The following VSIG1 variants were observed in gnomAD, a reference collection of about 807,000 sequenced individuals.
The protein encoded by VSIG1 is V-set and immunoglobulin domain-containing protein 1.
VSIG1 carries 11 observed loss-of-function variants against 20.1 expected under a neutral mutation model. The observed-to-expected ratio is 0.55, with a 90% CI of 0.34 to 0.91. The LOEUF (loss-of-function observed/expected upper bound fraction) is 0.91. VSIG1 is among the 40% of genes least tolerant of loss of function. The probability of loss-of-function intolerance (pLI) is 0.02; values close to 1 mark genes in which losing one functional copy is unlikely to be tolerated. For synonymous variants in VSIG1, 126 were observed against 116.7 expected, an observed-to-expected ratio of 1.08 and a Z score of -0.52; for missense variants, 283 against 298.8, an observed-to-expected ratio of 0.95 and a Z score of 0.39.
At chrX:108,041,543 T>TA (rs953093543), upstream of VSIG1, among the ~76,000 whole-genome samples, 13 of 92,528 alleles carry the variant, frequency 1.4e-4, no homozygotes, top group Non-Finnish European at 2.4e-4. Flanking sequence ...CTTTATGTTT[T>TA]AAAAAACCTC....
chrX:108,072,628 GA>G, intron 3 of VSIG1, 48 bp from the exon 4 acceptor site: 1 of 1,108,736 alleles, frequency 9.0e-7, no homozygotes, highest in Non-Finnish European at 1.2e-6. Context: ...AATTGTCACA[GA>G]ATGCCATTCA....
intron 1 of VSIG1, among the ~76,000 whole-genome samples, chrX:108,051,731 T>C (rs2030788922): frequency 9.2e-6 from 1 of 108,910 alleles, no homozygotes; most frequent in South Asian, 3.9e-4. Context: ...GCCTCAACAA[T>C]CAATTAACAT....
intron 1 of VSIG1, 63 bp downstream of exon 1, chrX:108,045,242 A>G (rs1602561799): frequency 1.9e-5 from 19 of 994,155 alleles, no homozygotes; most frequent in Non-Finnish European, 8.2e-6. Flanking sequence ...TTAAATAAAA[A>G]TTCCACATTT....
chrX:108,023,680 C>T, the VSIG1 span, among the ~76,000 whole-genome samples: 1 of 111,365 alleles, frequency 9.0e-6, no homozygotes, highest in Non-Finnish European at 1.9e-5. Context: ...GACAGAGATG[C>T]TAATCCCATT....
chrX:108,071,892 C>CAAAAAAAAAAA (rs1203449181), intron 3 of VSIG1, among the ~76,000 whole-genome samples: 19 of 36,359 alleles, frequency 5.2e-4, no homozygotes, highest in African/African-American at 7.6e-4. Flanking sequence ...TGAACAAATG[C>CAAAAAAAAAAA]AAAAAAAAAA....
the VSIG1 span, among the ~76,000 whole-genome samples, chrX:108,032,394 T>G: frequency 2.7e-5 from 3 of 112,205 alleles, no homozygotes; most frequent in African/African-American, 9.7e-5. Context: ...TGCCAGGCCC[T>G]GTTCTAGGTG....
Position 108,077,177 on chromosome X carries a change from T to C in VSIG1, c.960T>C (p.Tyr320=), listed in dbSNP as rs2031366501. Residue 320 remains tyrosine (Y), a synonymous_variant, in exon 7 of 7, where the codon TAT becomes TAC. Transcript: ENST00000217957. ...TGPDTIQEPD[Y]EPKPTQEPAP... is the part of the protein sequence containing the mutation. ...CTGATACCATCCAAGAACCAGACTA[T>C]GAGCCAAAGCCTACTCAGGAGCCTG... 8.3e-7 allele frequency: 1 copy of C among 1,210,359 alleles called. No homozygotes were observed. Among genetic ancestry groups the C allele is most frequent in the African/African-American group, 1.7e-5 (1 of 57,224 alleles).
At position 108,047,941 on chromosome X, in the gene VSIG1, T is replaced by TATATATATATACAC. The variant is rs2030667141; in HGVS notation, c.49+2773_49+2774insCACATATATATATA. Among the ~76,000 whole-genome samples, 51 of 26,422 alleles carry TATATATATATACAC rather than the reference T, an allele frequency of 1.9e-3. 5 individuals are homozygous for TATATATATATACAC. The highest frequency in any genetic ancestry group is 7.2e-3 in the African/African-American group (30 of 4,183). 22.9% of individuals were successfully genotyped at this position (26,422 alleles called of 115,157 possible). On this transcript the variant is annotated intron_variant, in intron 1 of 6. Transcript: ENST00000217957. ...ATACACATATATATATATACACATA[T>TATATATATATACAC]ATATATATATATACACACACATATA...
At chrX:108,021,180 G>A in the VSIG1 span, among the ~76,000 whole-genome samples, 2 of 111,560 alleles carry the variant, frequency 1.8e-5, no homozygotes. Flanking sequence ...TGGGCAGATT[G>A]GGGGAAAGGG....
In VSIG1 at chrX:108,071,903, A is replaced by G. The variant is rs1156312630; in HGVS notation, c.413-774A>G. ...CAGATGAACAAATGCAAAAAAAAAA[A>G]AAAAAAAGAAAATAATCATGAGAGA... On this transcript the variant is annotated intron_variant, in intron 3 of 6. Transcript: ENST00000217957. 5.5e-5 allele frequency among the ~76,000 whole-genome samples: 6 copies of G among 109,476 alleles called. No individual in the cohort carries two copies. In the East Asian group the frequency reaches 1.7e-3, roughly 31 times the overall value.
the VSIG1 span, among the ~76,000 whole-genome samples, chrX:108,035,692 A>G: frequency 1.8e-5 from 2 of 111,152 alleles, no homozygotes; most frequent in Non-Finnish European, 3.8e-5. Context: ...TCTGTGTAGC[A>G]TAATGCAGCT....
chrX:108,067,577 G>A (rs756052216), intron 3 of VSIG1, among the ~76,000 whole-genome samples: 35 of 112,290 alleles, frequency 3.1e-4, no homozygotes, highest in Non-Finnish European at 6.2e-4. Flanking sequence ...TTTAAATAAA[G>A]ACAGGAGAGT....
chrX:108,061,493 G>A (rs774749089), intron 2 of VSIG1: 4 of 1,164,912 alleles, frequency 3.4e-6, no homozygotes, highest in Non-Finnish European at 4.6e-6. Flanking sequence ...TAAAAATGAC[G>A]CACGCAAGAG....
At chrX:108,028,272 T>C in the VSIG1 span, among the ~76,000 whole-genome samples, 1 of 111,847 alleles carries the variant, frequency 8.9e-6, no homozygotes, top group African/African-American at 3.3e-5. Context: ...ATACCATGGC[T>C]TAGATAGTGA....
chrX:108,050,992 G>A (rs1276928995), intron 1 of VSIG1, among the ~76,000 whole-genome samples: 3 of 110,899 alleles, frequency 2.7e-5, no homozygotes, highest in Non-Finnish European at 3.8e-5. Context: ...ATACCCAACT[G>A]AACAACAGAG....
At chrX:108,032,102 C>G in the VSIG1 span, among the ~76,000 whole-genome samples, 70 of 112,028 alleles carry the variant, frequency 6.2e-4, no homozygotes, top group African/African-American at 2.2e-3. Flanking sequence ...TATTCAAGGG[C>G]CATCTCCTTT....
chrX:108,037,146 A>G, the VSIG1 span, among the ~76,000 whole-genome samples: 1 of 111,955 alleles, frequency 8.9e-6, no homozygotes, highest in Non-Finnish European at 1.9e-5. Flanking sequence ...CTTCTTTAGA[A>G]CCATTCCAAT....
chrX:108,058,255 G>C, intron 2 of VSIG1, 54 bp downstream of exon 2: 1 of 1,097,267 alleles, frequency 9.1e-7, no homozygotes. Flanking sequence ...ACTGAAAACT[G>C]TTGGGGTAGA....
intron 5 of VSIG1, among the ~76,000 whole-genome samples, chrX:108,075,693 C>T (rs1220582231): frequency 3.6e-5 from 4 of 111,332 alleles, no homozygotes; most frequent in Admixed American, 9.5e-5. Flanking sequence ...TAAGCATTGA[C>T]GCCATGGGGG....
Sources: allele counts gnomAD v4.1 joint callset (sites outside exome capture counted in the v4.1 genomes callset), GRCh38; gene constraint gnomAD v4.1.1; transcripts MANE v1.5; gene names NCBI Gene and HGNC (gene_info 2026-07-23, HGNC 2026-07-21).